Variants in PGR observed in about 807,000 individuals in gnomAD.
PGR encodes the protein progesterone receptor, also known as nuclear receptor subfamily 3 group C member 3.
PGR carries 25 observed loss-of-function variants against 76.1 expected under a neutral mutation model. The observed-to-expected ratio is 0.33, with a 90% CI of 0.24 to 0.46. The LOEUF (loss-of-function observed/expected upper bound fraction) is 0.46, where lower values mean the gene tolerates loss of function less well. Among genes scored for constraint, PGR ranks in the 20% least tolerant of loss-of-function variants. The probability of loss-of-function intolerance (pLI) is 1.00; values close to 1 mark genes in which losing one functional copy is unlikely to be tolerated. For synonymous variants in PGR, 579 were observed against 535.0 expected, an observed-to-expected ratio of 1.08 and a Z score of -1.14; for missense variants, 1,172 against 1,225.3, an observed-to-expected ratio of 0.96 and a Z score of 0.65.
At position 101,128,600 on chromosome 11, in the gene PGR, G is replaced by T. The variant is rs747388135; in HGVS notation, c.471C>A (p.Thr157=). ...TCATGAGCGGGGACAACACCCGCTGGGTGGCGGGGGCAGCCGGTGGATCTT... is the reference window on the plus strand; with the variant it reads ...TCATGAGCGGGGACAACACCCGCTGTGTGGCGGGGGCAGCCGGTGGATCTT... ...LPEDPPAAPA[T]QRVLSPLMSR... is the part of the protein sequence containing the mutation. The change falls in exon 1 of 8, where the codon ACC becomes ACA. Residue 157 remains threonine, a synonymous_variant. Transcript: ENST00000325455. The T allele has an allele frequency of 3.3e-5, 53 of 1,592,358 alleles. No individual in the cohort carries two copies. The highest frequency in any genetic ancestry group is 4.5e-5 in the Non-Finnish European group (53 of 1,171,988).
At chr11:101,065,501 G>C (rs1860680083) in intron 3 of PGR, among the ~76,000 whole-genome samples, 2 of 152,060 alleles carry the variant, frequency 1.3e-5, no homozygotes, top group Admixed American at 1.3e-4. Flanking sequence ...AGCATTTGTT[G>C]ATTGAGAAAA....
rs138237815 is a variant in PGR, at chr11:101,128,915, A to T, written c.156T>A (p.Pro52=). The part of the protein sequence containing the change: ...SDTLPEVSAI[P]ISLDGLLFPR... ...GGAAGAGTAGCCCGTCCAGGGAGATAGGTATGGCCGAAACTTCAGGCAAGG... is the reference window on the plus strand; with the variant it reads ...GGAAGAGTAGCCCGTCCAGGGAGATTGGTATGGCCGAAACTTCAGGCAAGG... The change falls in exon 1 of 8, where the codon CCT becomes CCA. Residue 52 remains proline, a synonymous_variant. Coordinates refer to ENST00000325455, the MANE Select transcript of PGR (RefSeq NM_000926.4). 1.8e-4 allele frequency: 289 copies of T among 1,613,468 alleles called. No homozygotes were observed. The African/African-American group carries it at 3.5e-3, about 19-fold the overall frequency.
At chr11:101,106,646 A>G (rs974648179) in intron 2 of PGR, among the ~76,000 whole-genome samples, 4 of 152,222 alleles carry the variant, frequency 2.6e-5, no homozygotes, top group African/African-American at 9.7e-5. Context: ...CCATTGTGGA[A>G]GACAGTGCAG....
At position 101,039,042 on chromosome 11, in the gene PGR, C is replaced by A. The variant is rs1037785317; in HGVS notation, c.*74G>T. 2 of 1,147,428 alleles carry A rather than the reference C, an allele frequency of 1.7e-6. No homozygotes were observed. The highest frequency in any genetic ancestry group is 3.1e-5 in the African/African-American group (2 of 64,820). The allele number at this position is 1,147,428 out of a possible 1,614,324, so 71.1% of individuals were successfully genotyped here. On this transcript the variant is annotated 3_prime_UTR_variant, in exon 8 of 8. Transcript: ENST00000325455. ...CTTTCAGAAGAACATTATAAAAACT[C>A]AAGACCTCATAATCCTGACCAAAAC...
Position 101,039,120 on chromosome 11 carries a change from T to C in PGR, c.2798A>G (p.Lys933Arg), listed in dbSNP as rs1859609606. The C allele has an allele frequency of 6.2e-7, 1 of 1,610,612 alleles. No homozygotes were observed. The change falls in exon 8 of 8, where the codon AAG becomes AGG. Residue 933 changes from lysine (K) to arginine (R), a missense_variant. Physicochemically the swap from Lys to Arg is conservative, Grantham distance 26 (BLOSUM62 2). Coordinates refer to ENST00000325455, the MANE Select transcript of PGR (RefSeq NM_000926.4). ...GMVKPLLFHK[K>R] ...TTTAAAAGAAAAAGATGACATTCAC[T>C]TTTTATGAAAGAGAAGGGGTTTCAC...
In PGR at chr11:101,033,944, A is replaced by T. The variant is rs1565322818; in HGVS notation, c.*5172T>A. The T allele has an allele frequency of 4.5e-6, 1 of 224,560 alleles. No homozygotes were observed. The highest frequency in any genetic ancestry group is 8.9e-6 in the Non-Finnish European group (1 of 112,660). The allele number at this position is 224,560 out of a possible 1,614,324, so 13.9% of individuals were successfully genotyped here. A position where few individuals can be genotyped will look rare whatever the true frequency, so the allele number is the denominator to read the frequency against. Reference sequence around the variant, plus strand: ...AAAGATAATAAAAATAAGCTATAGCATATGTCCTGAAAACTATTTACAATA... The same window carrying T: ...AAAGATAATAAAAATAAGCTATAGCTTATGTCCTGAAAACTATTTACAATA... On this transcript the variant is annotated 3_prime_UTR_variant, in exon 8 of 8. Transcript: ENST00000325455.
intron 2 of PGR, among the ~76,000 whole-genome samples, chr11:101,117,340 T>C (rs1862542023): frequency 6.6e-6 from 1 of 152,196 alleles, no homozygotes; most frequent in Non-Finnish European, 1.5e-5. Flanking sequence ...TTCATTTTTC[T>C]TCCTGTTTGT....
At chr11:101,098,064 C>T (rs985838299) in intron 2 of PGR, among the ~76,000 whole-genome samples, 1 of 152,000 alleles carries the variant, frequency 6.6e-6, no homozygotes, top group African/African-American at 2.4e-5. Flanking sequence ...GCGTGAGCCA[C>T]CGTGCCCAGC....
chr11:101,057,379 C>A (rs981641704), intron 4 of PGR, among the ~76,000 whole-genome samples: 14 of 152,000 alleles, frequency 9.2e-5, no homozygotes, highest in Admixed American at 5.2e-4. Context: ...ATCTTAGAGT[C>A]GTGTGAAGAG....
intron 2 of PGR, among the ~76,000 whole-genome samples, chr11:101,100,927 CTT>C (rs1861978958): frequency 6.6e-6 from 1 of 152,024 alleles, no homozygotes; most frequent in Non-Finnish European, 1.5e-5. Context: ...GATCCCCTTA[CTT>C]TTTCAAAAAG....
At chr11:101,126,185 T>C (rs1325376078) in intron 1 of PGR, 27 bp from the exon 2 acceptor site, 2 of 1,611,812 alleles carry the variant, frequency 1.2e-6, no homozygotes, top group Non-Finnish European at 1.7e-6. Context: ...AAGTACTCCA[T>C]TTATTTTTAA....
At chr11:101,075,117 A>T (rs1230149538) in intron 3 of PGR, among the ~76,000 whole-genome samples, 1 of 152,224 alleles carries the variant, frequency 6.6e-6, no homozygotes, top group Non-Finnish European at 1.5e-5. Context: ...TACTGGTACC[A>T]AAACAGATAT....
At chr11:101,088,963 A>G (rs57538475) in intron 3 of PGR, among the ~76,000 whole-genome samples, 28 of 152,346 alleles carry the variant, frequency 1.8e-4, no homozygotes, top group African/African-American at 6.0e-4. Context: ...GTTCTCACTT[A>G]TAAGTGGGAG....
Position 101,128,415 on chromosome 11 carries a change from A to G in PGR, c.656T>C (p.Val219Ala). 1 of 1,610,476 alleles carries G rather than the reference A, an allele frequency of 6.2e-7. No homozygotes were observed. The highest frequency in any genetic ancestry group is 8.5e-7 in the Non-Finnish European group (1 of 1,179,762). The stretch of plus-strand genomic sequence containing the variant: ...AGAGCCATCCTCCTCCTCAACCTCC[A>G]CCGCAGCGGCCTGCGGAGACGGCTT... ...PVKPSPQAAA[V>A]EVEEEDGSES... The change falls in exon 1 of 8, where the codon GTG becomes GCG. Residue 219 changes from valine to alanine, a missense_variant. Coordinates refer to ENST00000325455, the MANE Select transcript of PGR (RefSeq NM_000926.4).
At position 101,093,291 on chromosome 11, in the gene PGR, C is replaced by T. The variant is rs114510108; in HGVS notation, c.1790-1415G>A. The stretch of plus-strand genomic sequence containing the variant: ...GGAGGTTAGCAGAGTGTACTGCATA[C>T]TACTTTCTGATTTGACTCTAATTTT... On this transcript the variant is annotated intron_variant, in intron 2 of 7. Transcript: ENST00000325455. Among the ~76,000 whole-genome samples, 162 of 151,460 alleles carry T rather than the reference C, an allele frequency of 1.1e-3. 1 individual carries two copies. The highest frequency in any genetic ancestry group is 3.6e-3 in the African/African-American group (149 of 41,032).
At chr11:101,040,191 T>C (rs1242884467) in intron 7 of PGR, among the ~76,000 whole-genome samples, 3 of 152,076 alleles carry the variant, frequency 2.0e-5, no homozygotes, top group African/African-American at 7.2e-5. Context: ...AAAGCCATAG[T>C]CAAATTCTGC....
intron 2 of PGR, among the ~76,000 whole-genome samples, chr11:101,105,946 T>C (rs1255048535): frequency 6.6e-6 from 1 of 152,152 alleles, no homozygotes; most frequent in Non-Finnish European, 1.5e-5. Context: ...ATCTGATCTT[T>C]GACAAACTTG....
At chr11:101,066,028 T>C (rs1860701717) in intron 3 of PGR, among the ~76,000 whole-genome samples, 1 of 152,184 alleles carries the variant, frequency 6.6e-6, no homozygotes, top group Non-Finnish European at 1.5e-5. Context: ...TACCAAATCT[T>C]AGTCCTTCTC....
At chr11:101,125,193 T>C (rs1862800670) in intron 2 of PGR, among the ~76,000 whole-genome samples, 1 of 152,192 alleles carries the variant, frequency 6.6e-6, no homozygotes, top group African/African-American at 2.4e-5. Context: ...TGTATTTTTA[T>C]CTTCAAATGT....
Sources: allele counts gnomAD v4.1 joint callset (sites outside exome capture counted in the v4.1 genomes callset), GRCh38; gene constraint gnomAD v4.1.1; transcripts MANE v1.5; gene names NCBI Gene and HGNC (gene_info 2026-07-23, HGNC 2026-07-21).